TSPAN11: variants seen among roughly 807,000 people sequenced by gnomAD.
TSPAN11 encodes tetraspanin-11.
TSPAN11 carries 29 observed loss-of-function variants against 32.9 expected under a neutral mutation model. The observed-to-expected ratio is 0.88, with a 90% confidence interval of 0.66 to 1.20. The LOEUF (loss-of-function observed/expected upper bound fraction) is 1.20. Ranked by LOEUF, TSPAN11 falls within the 50% of genes most tolerant of loss-of-function variation. TSPAN11 has a pLI of 0.00. For synonymous variants in TSPAN11, 140 were observed against 141.3 expected, an observed-to-expected ratio of 0.99 and a Z score of 0.07; for missense variants, 283 against 329.1, an observed-to-expected ratio of 0.86 and a Z score of 1.08.
intron 2 of TSPAN11, among the ~76,000 whole-genome samples, chr12:30,955,803 T>A (rs972716948): frequency 6.6e-6 from 1 of 152,206 alleles, no homozygotes; most frequent in African/African-American, 2.4e-5. Flanking sequence ...CTTCACATGA[T>A]GTTTTCTTCT....
At chr12:31,011,918 G>A in the TSPAN11 span, among the ~76,000 whole-genome samples, 1 of 152,324 alleles carries the variant, frequency 6.6e-6, no homozygotes, top group Admixed American at 6.5e-5. Context: ...TACTTGATGT[G>A]GGCTGTGGGT....
chr12:31,004,496 C>T, the TSPAN11 span, among the ~76,000 whole-genome samples: 1 of 152,176 alleles, frequency 6.6e-6, no homozygotes, highest in Non-Finnish European at 1.5e-5. Context: ...CTCAGCAAGG[C>T]AACCTGTGGC....
chr12:30,992,080 G>T lies in TSPAN11; in HGVS notation c.*165G>T. The T allele has an allele frequency of 1.6e-6, 1 of 608,610 alleles. No individual in the cohort carries two copies. The highest frequency in any genetic ancestry group is 2.7e-5 in the Admixed American group (1 of 37,060). The allele number at this position is 608,610 out of a possible 1,614,324, so 37.7% of individuals were successfully genotyped here. On this transcript the variant is annotated 3_prime_UTR_variant, in exon 8 of 8. Coordinates refer to ENST00000546076, the MANE Select transcript of TSPAN11 (RefSeq NM_001370302.1). ...GAGTGCCTGAGACCATAGCTTCTGT[G>T]CCCACCCAGGCAGAGACCCTCGGCC...
chr12:30,969,606 G>C (rs1938807911), intron 3 of TSPAN11, among the ~76,000 whole-genome samples: 1 of 152,156 alleles, frequency 6.6e-6, no homozygotes, highest in Non-Finnish European at 1.5e-5. Context: ...GGATGCAGCG[G>C]GTGTACCTGA....
intron 7 of TSPAN11, among the ~76,000 whole-genome samples, chr12:30,989,235 A>G (rs1314201663): frequency 6.6e-6 from 1 of 152,214 alleles, no homozygotes; most frequent in Non-Finnish European, 1.5e-5. Flanking sequence ...CTTGGGTTTA[A>G]GAAGCAAACA....
chr12:30,949,459 G>A (rs915607905), intron 1 of TSPAN11, among the ~76,000 whole-genome samples: 1 of 152,154 alleles, frequency 6.6e-6, no homozygotes, highest in Non-Finnish European at 1.5e-5. Context: ...CATGGTGGCA[G>A]CAAGAGAAAA....
rs374526040 is a variant in TSPAN11 at position 30,967,360 on chromosome 12, T to TG, written c.276+3344dup. Among the ~76,000 whole-genome samples the TG allele has an allele frequency of 1.2e-4, 19 of 152,338 alleles. 1 individual carries two copies. The highest frequency in any genetic ancestry group is 4.1e-4 in the African/African-American group (17 of 41,582). The stretch of plus-strand genomic sequence containing the variant: ...GGAGAGTCAGTGAAGGTCAGGGCCT[T>TG]GTGCTTGCCCAAAGCCTTGCTGGGC... On this transcript the variant is annotated intron_variant, in intron 3 of 7. Coordinates refer to ENST00000546076, the MANE Select transcript of TSPAN11 (RefSeq NM_001370302.1).
intron 1 of TSPAN11, among the ~76,000 whole-genome samples, chr12:30,931,398 C>T (rs2140267639): frequency 6.6e-6 from 1 of 152,288 alleles, no homozygotes; most frequent in South Asian, 2.1e-4. Flanking sequence ...AGGTCTGGCA[C>T]AGTTAGCAAA....
intron 1 of TSPAN11, 133 bp downstream of exon 1, chr12:30,926,929 G>A: frequency 7.8e-7 from 1 of 1,282,150 alleles, no homozygotes; most frequent in Non-Finnish European, 1.0e-6. Context: ...TCCCCCGGGC[G>A]GGCAGAGGGA....
chr12:30,946,795 G>A (rs1354275461), intron 1 of TSPAN11, among the ~76,000 whole-genome samples: 5 of 152,190 alleles, frequency 3.3e-5, no homozygotes, highest in Admixed American at 6.5e-5. Flanking sequence ...CCAGCTTCAC[G>A]GAGGTGGGGG....
At chr12:30,957,262 CT>C (rs752123445) in intron 2 of TSPAN11, among the ~76,000 whole-genome samples, 92 of 149,794 alleles carry the variant, frequency 6.1e-4, no homozygotes, top group Non-Finnish European at 1.1e-3. Flanking sequence ...TCTTCTGCCC[CT>C]CTGTGCTGCC....
chr12:30,953,961 CATATG>C lies in TSPAN11; in HGVS notation c.-11-19_-11-15del. ...GGTTCTCGGTGATTCCCCGGCCCAG[CATATG>C]TGTCTTCTCTGCAGGCCCAGAAGCC... On this transcript the variant is annotated splice_polypyrimidine_tract_variant and intron_variant, in intron 1 of 7. Coordinates refer to ENST00000546076, the MANE Select transcript of TSPAN11 (RefSeq NM_001370302.1). The C allele has an allele frequency of 2.5e-6, 4 of 1,589,924 alleles. No homozygotes were observed. Among genetic ancestry groups the C allele is most frequent in the Non-Finnish European group, 3.4e-6 (4 of 1,161,050 alleles).
intron 1 of TSPAN11, among the ~76,000 whole-genome samples, chr12:30,941,731 C>G (rs1010141208): frequency 6.6e-5 from 10 of 152,236 alleles, no homozygotes; most frequent in African/African-American, 2.4e-4. Flanking sequence ...ATGGCAGAGG[C>G]CCTGCTGGTG....
intron 3 of TSPAN11, among the ~76,000 whole-genome samples, chr12:30,974,814 G>A (rs1372886273): frequency 6.6e-6 from 1 of 152,218 alleles, no homozygotes; most frequent in African/African-American, 2.4e-5. Flanking sequence ...GGAACCGCAC[G>A]GCAGGCGAAG....
chr12:30,953,324 G>A (rs890419723), intron 1 of TSPAN11, among the ~76,000 whole-genome samples: 1 of 152,174 alleles, frequency 6.6e-6, no homozygotes, highest in African/African-American at 2.4e-5. Flanking sequence ...CTGAGGGATG[G>A]GAGGTCATGT....
At chr12:30,961,825 A>T (rs1938619029) in intron 2 of TSPAN11, among the ~76,000 whole-genome samples, 1 of 152,028 alleles carries the variant, frequency 6.6e-6, no homozygotes, top group Admixed American at 6.5e-5. Flanking sequence ...ACCCTCACCC[A>T]AGCCTTCCAG....
At chr12:30,931,575 G>C (rs1013426313) in intron 1 of TSPAN11, among the ~76,000 whole-genome samples, 1 of 152,094 alleles carries the variant, frequency 6.6e-6, no homozygotes, top group Non-Finnish European at 1.5e-5. Context: ...GTCCTATACT[G>C]TGCTTTTAGA....
chr12:30,987,724 A>G (rs1235520730), intron 7 of TSPAN11, among the ~76,000 whole-genome samples: 3 of 152,222 alleles, frequency 2.0e-5, no homozygotes, highest in African/African-American at 2.4e-5. Context: ...CTATGCGGCC[A>G]GATGCAGAGG....
chr12:30,936,586 T>G (rs1938049678), intron 1 of TSPAN11, among the ~76,000 whole-genome samples: 1 of 152,134 alleles, frequency 6.6e-6, no homozygotes, highest in Non-Finnish European at 1.5e-5. Flanking sequence ...TGAGGAGAGC[T>G]GCAGAAGGGG....
Sources: gnomAD v4.1 joint callset for allele counts (sites outside exome capture counted in the v4.1 genomes callset) on GRCh38, gnomAD v4.1.1 for gene constraint, MANE v1.5 for transcripts, NCBI Gene and HGNC (gene_info 2026-07-23, HGNC 2026-07-21) for gene names.